CLSTN2: variants seen among roughly 807,000 people sequenced by gnomAD.
CLSTN2 encodes the protein calsyntenin-2.
In CLSTN2, 48 loss-of-function variants were observed where a neutral mutation model predicts 101.2. That is an observed-to-expected ratio of 0.47 (90% CI 0.38 to 0.60). CLSTN2 has a LOEUF of 0.60. Ranked by LOEUF, CLSTN2 falls within the 20% of genes least tolerant of loss-of-function variation. The probability of loss-of-function intolerance (pLI) is 0.00; values close to 1 mark genes in which losing one functional copy is unlikely to be tolerated. For missense variants in CLSTN2, 1,160 were observed against 1,238.2 expected, an observed-to-expected ratio of 0.94 and a Z score of 0.95; for synonymous variants, 481 against 463.6, an observed-to-expected ratio of 1.04 and a Z score of -0.48.
chr3:140,265,344 G>A (rs774630528), intron 2 of CLSTN2, among the ~76,000 whole-genome samples: 1 of 152,158 alleles, frequency 6.6e-6, no homozygotes, highest in Non-Finnish European at 1.5e-5. Context: ...CCCAAAGCCA[G>A]TCACACCTCT....
At chr3:140,251,818 G>A (rs549067874) in intron 2 of CLSTN2, among the ~76,000 whole-genome samples, 8 of 152,228 alleles carry the variant, frequency 5.3e-5, no homozygotes, top group South Asian at 2.1e-4. Flanking sequence ...AAAAGAATGC[G>A]TTGAGTACTC....
intron 2 of CLSTN2, among the ~76,000 whole-genome samples, chr3:140,372,517 A>G (rs1477228254): frequency 1.3e-5 from 2 of 152,064 alleles, no homozygotes; most frequent in Non-Finnish European, 2.9e-5. Flanking sequence ...ACATTAGGCG[A>G]TGTGGTGTTG....
chr3:140,027,787 G>T (rs1053811429), intron 1 of CLSTN2, among the ~76,000 whole-genome samples: 2 of 152,160 alleles, frequency 1.3e-5, no homozygotes, highest in Non-Finnish European at 2.9e-5. Context: ...TAAAAATTTT[G>T]TTTCCGCAAA....
At chr3:140,099,880 C>T (rs1185114999) in intron 1 of CLSTN2, among the ~76,000 whole-genome samples, 1 of 152,156 alleles carries the variant, frequency 6.6e-6, no homozygotes, top group Admixed American at 6.5e-5. Flanking sequence ...TTCTGTTGGC[C>T]AGGCTCTGGG....
At chr3:140,337,644 G>A (rs1482834796) in intron 2 of CLSTN2, among the ~76,000 whole-genome samples, 1 of 152,174 alleles carries the variant, frequency 6.6e-6, no homozygotes, top group Non-Finnish European at 1.5e-5. Context: ...GTAGGTATTG[G>A]TAGGTGTCAC....
intron 1 of CLSTN2, among the ~76,000 whole-genome samples, chr3:140,121,693 G>A (rs1350097339): frequency 6.6e-6 from 1 of 152,166 alleles, no homozygotes; most frequent in Non-Finnish European, 1.5e-5. Context: ...CTGTAAAAAG[G>A]TTACTGCAAG....
intron 8 of CLSTN2, among the ~76,000 whole-genome samples, chr3:140,508,987 A>G (rs929677493): frequency 1.3e-5 from 2 of 152,044 alleles, no homozygotes; most frequent in Non-Finnish European, 2.9e-5. Flanking sequence ...GAAATATGTC[A>G]GCAGAGGGAG....
chr3:140,388,220 A>G (rs1471220471), intron 2 of CLSTN2, among the ~76,000 whole-genome samples: 1 of 152,256 alleles, frequency 6.6e-6, no homozygotes, highest in Non-Finnish European at 1.5e-5. Context: ...AGCAAAATAA[A>G]TATCTGCTGG....
At chr3:140,501,218 G>C (rs1184130879) in intron 8 of CLSTN2, among the ~76,000 whole-genome samples, 2 of 152,074 alleles carry the variant, frequency 1.3e-5, no homozygotes, top group Non-Finnish European at 2.9e-5. Flanking sequence ...TTAAGTTCCT[G>C]AAATTCCATC....
intron 9 of CLSTN2, among the ~76,000 whole-genome samples, chr3:140,533,580 G>A (rs1005864130): frequency 2.4e-4 from 37 of 152,026 alleles, no homozygotes; most frequent in South Asian, 4.2e-4. Context: ...GCATGGTGGC[G>A]GGTGCTTGTA....
At chr3:140,024,556 G>A (rs2007380105) in intron 1 of CLSTN2, among the ~76,000 whole-genome samples, 1 of 152,236 alleles carries the variant, frequency 6.6e-6, no homozygotes, top group South Asian at 2.1e-4. Context: ...GTGTCAGCTA[G>A]TCGCAAACAA....
intron 1 of CLSTN2, among the ~76,000 whole-genome samples, chr3:140,040,313 C>T (rs764505341): frequency 6.6e-6 from 1 of 152,158 alleles, no homozygotes; most frequent in African/African-American, 2.4e-5. Flanking sequence ...AGAAACACAT[C>T]ACTAAAGTTT....
chr3:140,218,735 AC>A, intron 2 of CLSTN2, among the ~76,000 whole-genome samples: 1 of 152,348 alleles, frequency 6.6e-6, no homozygotes, highest in East Asian at 1.9e-4. Flanking sequence ...TTATAAAATA[AC>A]TAAAGCCCCA....
rs535198017 is a variant in CLSTN2 at position 140,421,505 on chromosome 3, G to A, written c.787+231G>A. Among the ~76,000 whole-genome samples, 5 of 152,274 alleles carry A rather than the reference G, an allele frequency of 3.3e-5. 1 individual carries two copies. Among genetic ancestry groups the A allele is most frequent in the African/African-American group, 9.6e-5 (4 of 41,556 alleles). On this transcript the variant is annotated intron_variant, in intron 5 of 16. Transcript: ENST00000458420. Reference sequence around the variant, plus strand: ...TAACCTCATGTGCCCAGTTTGTCCAGTGCTCCCTTTCTCCAATCTCATGAC... The same window carrying A: ...TAACCTCATGTGCCCAGTTTGTCCAATGCTCCCTTTCTCCAATCTCATGAC...
At chr3:140,283,449 C>G (rs1022124461) in intron 2 of CLSTN2, among the ~76,000 whole-genome samples, 3 of 152,140 alleles carry the variant, frequency 2.0e-5, no homozygotes, top group Non-Finnish European at 2.9e-5. Context: ...TCCCTTTTAT[C>G]CTGTAAACTG....
intron 2 of CLSTN2, among the ~76,000 whole-genome samples, chr3:140,287,806 T>C (rs1185779435): frequency 6.6e-6 from 1 of 152,132 alleles, no homozygotes; most frequent in Non-Finnish European, 1.5e-5. Context: ...GAGCCAGCAT[T>C]CTAAGATAGG....
At chr3:140,472,499 T>A (rs1006207727) in intron 8 of CLSTN2, among the ~76,000 whole-genome samples, 1 of 152,220 alleles carries the variant, frequency 6.6e-6, no homozygotes, top group African/African-American at 2.4e-5. Context: ...TTCAGACCAG[T>A]CATCTTAATG....
chr3:140,122,535 C>T (rs1266329387), intron 1 of CLSTN2, among the ~76,000 whole-genome samples: 1 of 152,164 alleles, frequency 6.6e-6, no homozygotes, highest in East Asian at 1.9e-4. Flanking sequence ...AGAAAATTTC[C>T]ATGAAGAAGC....
chr3:140,160,060 A>T (rs1185894900), intron 1 of CLSTN2, among the ~76,000 whole-genome samples: 1 of 152,150 alleles, frequency 6.6e-6, no homozygotes, highest in Non-Finnish European at 1.5e-5. Context: ...TTCCTAGAGT[A>T]CTGTGTTCAC....
Sources: gnomAD v4.1 joint callset for allele counts (sites outside exome capture counted in the v4.1 genomes callset) on GRCh38, gnomAD v4.1.1 for gene constraint, MANE v1.5 for transcripts, NCBI Gene and HGNC (gene_info 2026-07-23, HGNC 2026-07-21) for gene names.